Variants in ZC3H12B observed in about 807,000 individuals in gnomAD.
ZC3H12B encodes zinc finger CCCH-type containing 12B.
In ZC3H12B, 7 loss-of-function variants were observed where a neutral mutation model predicts 43.9. That is an observed-to-expected ratio of 0.16 (90% CI 0.09 to 0.30). The LOEUF (loss-of-function observed/expected upper bound fraction) is 0.30, where lower values mean the gene tolerates loss of function less well. Ranked by LOEUF, ZC3H12B falls within the 10% of genes least tolerant of loss-of-function variation. The probability of loss-of-function intolerance (pLI) is 1.00; values close to 1 mark genes in which losing one functional copy is unlikely to be tolerated. For missense variants in ZC3H12B, 475 were observed against 670.2 expected (o/e 0.71, Z 3.22); for synonymous variants, 222 against 241.7 (o/e 0.92, Z 0.76).
the ZC3H12B span, among the ~76,000 whole-genome samples, chrX:65,315,905 C>A: frequency 9.0e-6 from 1 of 111,439 alleles, no homozygotes; most frequent in Non-Finnish European, 1.9e-5. Flanking sequence ...AAACCCAATC[C>A]AATGAACTTA....
chrX:65,365,812 C>A (rs971412807), upstream of ZC3H12B, among the ~76,000 whole-genome samples: 7 of 109,114 alleles, frequency 6.4e-5, no homozygotes, highest in African/African-American at 2.3e-4. Flanking sequence ...CACCTTGTGA[C>A]CCCCACCCCT....
At position 65,417,311 on chromosome X, in the gene ZC3H12B, G is replaced by A. The variant is rs1179396063; in HGVS notation, n.407+18607G>A. Among the ~76,000 whole-genome samples the A allele has an allele frequency of 3.6e-5, 4 of 111,985 alleles. No individual in the cohort carries two copies. The Admixed American group carries it at 3.8e-4, about 11-fold the overall frequency. ...CTTTTATCCAGAATTTTTCCTTTGAGTGAAAACAGTATCAGCCTTTCTTGA... is the reference window on the plus strand; with the variant it reads ...CTTTTATCCAGAATTTTTCCTTTGAATGAAAACAGTATCAGCCTTTCTTGA... On this transcript the variant is annotated intron_variant and non_coding_transcript_variant, in intron 3 of 5. Coordinates refer to the ZC3H12B transcript ENST00000617377.
upstream of ZC3H12B, among the ~76,000 whole-genome samples, chrX:65,361,986 G>T (rs368400918): frequency 8.9e-6 from 1 of 112,300 alleles, no homozygotes; most frequent in East Asian, 2.8e-4. Context: ...CTAGGATCTT[G>T]CTTCAAGTGC....
At chrX:65,485,567 T>TAA (rs2068114886), upstream of ZC3H12B, among the ~76,000 whole-genome samples, 1 of 112,591 alleles carries the variant, frequency 8.9e-6, no homozygotes, top group Non-Finnish European at 1.9e-5. Flanking sequence ...ACAACTCTTT[T>TAA]TAACACATGT....
chrX:65,502,724 G>A (rs2068385029), exon 5 of ZC3H12B: 9 of 1,208,184 alleles, frequency 7.4e-6, no homozygotes, highest in Middle Eastern at 2.3e-4. Flanking sequence ...CAGCTGTCCT[G>A]CAGACTACCC....
chrX:65,373,759 G>T (rs1303784702), intron 2 of ZC3H12B, among the ~76,000 whole-genome samples: 44 of 88,936 alleles, frequency 4.9e-4, no homozygotes, highest in Non-Finnish European at 8.4e-4. Context: ...TGGGAGGGGG[G>T]AGGGATAGCA....
At chrX:65,452,447 A>T (rs2067528800) in intron 3 of ZC3H12B, among the ~76,000 whole-genome samples, 1 of 111,535 alleles carries the variant, frequency 9.0e-6, no homozygotes, top group Non-Finnish European at 1.9e-5. Context: ...TGAAAAAAAA[A>T]AAAACACTTG....
chrX:65,303,761 T>C, the ZC3H12B span, among the ~76,000 whole-genome samples: 90 of 112,420 alleles, frequency 8.0e-4, no homozygotes, highest in African/African-American at 2.7e-3. Context: ...GCAATAAACC[T>C]TGAGAATTTT....
the ZC3H12B span, among the ~76,000 whole-genome samples, chrX:65,227,064 A>G: frequency 1.8e-5 from 2 of 111,400 alleles, no homozygotes; most frequent in African/African-American, 3.3e-5. Context: ...TCCACCCCAA[A>G]TCAACATAAT....
chrX:65,351,896 G>T, the ZC3H12B span, among the ~76,000 whole-genome samples: 1 of 112,436 alleles, frequency 8.9e-6, no homozygotes, highest in Non-Finnish European at 1.9e-5. Context: ...AACCATTGTA[G>T]AAGACAGTGT....
At chrX:65,353,067 G>A in the ZC3H12B span, among the ~76,000 whole-genome samples, 1 of 110,265 alleles carries the variant, frequency 9.1e-6, no homozygotes, top group African/African-American at 3.3e-5. Context: ...ATGTTGCCCA[G>A]GCTGGTCTCA....
chrX:65,263,015 C>T, the ZC3H12B span, among the ~76,000 whole-genome samples: 101 of 110,654 alleles, frequency 9.1e-4, no homozygotes, highest in Non-Finnish European at 1.7e-3. Flanking sequence ...CCTGAGTTCA[C>T]GTCCTAGAGC....
chrX:65,102,274 TATC>T, the ZC3H12B span, among the ~76,000 whole-genome samples: 1 of 111,657 alleles, frequency 9.0e-6, no homozygotes, highest in Non-Finnish European at 1.9e-5. Context: ...CCATAGCCAA[TATC>T]ATACCAAATG....
the ZC3H12B span, chrX:65,356,928 C>T: frequency 1.2e-5 from 5 of 419,453 alleles, no homozygotes; most frequent in African/African-American, 2.5e-5. Context: ...AGTTCACATG[C>T]TAAACTCCCA....
At chrX:65,233,264 G>A in the ZC3H12B span, among the ~76,000 whole-genome samples, 4 of 111,343 alleles carry the variant, frequency 3.6e-5, no homozygotes, top group African/African-American at 9.8e-5. Flanking sequence ...AGACATTTAC[G>A]GAACATTTTA....
At chrX:65,151,031 G>C in the ZC3H12B span, among the ~76,000 whole-genome samples, 3 of 111,898 alleles carry the variant, frequency 2.7e-5, no homozygotes, top group Non-Finnish European at 5.6e-5. Flanking sequence ...TCAAGCATTT[G>C]TTATTGAATG....
chrX:65,159,429 C>A, the ZC3H12B span, among the ~76,000 whole-genome samples: 2 of 111,284 alleles, frequency 1.8e-5, no homozygotes, highest in African/African-American at 6.5e-5. Context: ...TTGTTTGTAT[C>A]CTCTTATTTC....
At chrX:65,172,026 C>T in the ZC3H12B span, among the ~76,000 whole-genome samples, 1 of 112,500 alleles carries the variant, frequency 8.9e-6, no homozygotes, top group Non-Finnish European at 1.9e-5. Flanking sequence ...CTGTGGGCTT[C>T]ACCCACTGTC....
intron 2 of ZC3H12B, among the ~76,000 whole-genome samples, chrX:65,373,058 G>A (rs2066269733): frequency 8.9e-6 from 1 of 111,790 alleles, no homozygotes. Flanking sequence ...GAAAAAGGAA[G>A]AAAGAATAAT....
Sources: gnomAD v4.1 joint callset for allele counts (sites outside exome capture counted in the v4.1 genomes callset) on GRCh38, gnomAD v4.1.1 for gene constraint, MANE v1.5 for transcripts, NCBI Gene and HGNC (gene_info 2026-07-23, HGNC 2026-07-21) for gene names.